The following MINDY4 variants were observed in gnomAD, a reference collection of about 807,000 sequenced individuals.
MINDY4 encodes MINDY lysine 48 deubiquitinase 4.
MINDY4 carries 68 observed loss-of-function variants against 87.0 expected under a neutral mutation model. The observed-to-expected ratio is 0.78, with a 90% CI of 0.64 to 0.96. MINDY4 has a LOEUF of 0.96. Ranked by LOEUF, MINDY4 falls within the 40% of genes least tolerant of loss-of-function variation. The probability of loss-of-function intolerance (pLI) is 0.00; values close to 1 mark genes in which losing one functional copy is unlikely to be tolerated. For missense variants in MINDY4, 919 were observed against 928.2 expected, an observed-to-expected ratio of 0.99 and a Z score of 0.13; for synonymous variants, 379 against 363.2, an observed-to-expected ratio of 1.04 and a Z score of -0.50.
chr7:30,791,726 T>C (rs2128168499), intron 5 of MINDY4, 152 bp downstream of exon 5: 2 of 865,852 alleles, frequency 2.3e-6, no homozygotes, highest in Non-Finnish European at 3.4e-6. Context: ...GAGTTTGTTA[T>C]GGTCAACCAG....
At chr7:30,803,426 T>C (rs1459923647) in intron 5 of MINDY4, 3 of 152,206 alleles carry the variant, frequency 2.0e-5, no homozygotes, top group African/African-American at 7.2e-5. Context: ...ATTAGTGACT[T>C]AGCACACAGA....
At chr7:30,866,705 G>T (rs1162867350) in intron 13 of MINDY4, among the ~76,000 whole-genome samples, 1 of 152,212 alleles carries the variant, frequency 6.6e-6, no homozygotes, top group Non-Finnish European at 1.5e-5. Flanking sequence ...CAAGAACAAA[G>T]CAGGCAAAGG....
intron 13 of MINDY4, among the ~76,000 whole-genome samples, chr7:30,868,132 C>G (rs1789996257): frequency 6.6e-6 from 1 of 152,176 alleles, no homozygotes; most frequent in Admixed American, 6.5e-5. Context: ...CAGATTCACA[C>G]AGGGAGGCTT....
At chr7:30,791,036 A>G in intron 4 of MINDY4, 129 bp from the exon 5 acceptor site, 1 of 948,588 alleles carries the variant, frequency 1.1e-6, no homozygotes, top group Non-Finnish European at 1.6e-6. Context: ...ATTTTAAGGG[A>G]AAGAGTCCGA....
chr7:30,837,842 G>C (rs1788906641), intron 7 of MINDY4, among the ~76,000 whole-genome samples: 1 of 152,238 alleles, frequency 6.6e-6, no homozygotes. Flanking sequence ...ACTGTGCCTA[G>C]CGGGAGCTGT....
intron 12 of MINDY4, chr7:30,858,901 A>T (rs1789661899): frequency 8.3e-6 from 4 of 479,688 alleles, no homozygotes; most frequent in Non-Finnish European, 1.6e-5. Flanking sequence ...TAATCATAGT[A>T]CTGTCCCCCA....
At chr7:30,875,282 G>T (rs1790224685) in intron 14 of MINDY4, among the ~76,000 whole-genome samples, 1 of 152,220 alleles carries the variant, frequency 6.6e-6, no homozygotes, top group Non-Finnish European at 1.5e-5. Context: ...AATAAAGGTG[G>T]ATGGGTGCCT....
intron 15 of MINDY4, among the ~76,000 whole-genome samples, chr7:30,877,822 C>CTTTTTTTTTTTT (rs60164229): frequency 4.2e-5 from 2 of 47,516 alleles, no homozygotes; most frequent in African/African-American, 1.3e-4. Flanking sequence ...CAGGGACATG[C>CTTTTTTTTTTTT]TTTTTTTTTT....
intron 1 of MINDY4, among the ~76,000 whole-genome samples, chr7:30,773,962 T>C (rs1213920661): frequency 6.6e-6 from 1 of 152,178 alleles, no homozygotes; most frequent in Non-Finnish European, 1.5e-5. Context: ...TTCATCATTC[T>C]CTTCTGACAG....
chr7:30,822,083 T>G (rs1562542522), intron 5 of MINDY4, among the ~76,000 whole-genome samples: 2 of 152,172 alleles, frequency 1.3e-5, no homozygotes, highest in Non-Finnish European at 1.5e-5. Flanking sequence ...TATCCTGACA[T>G]TTCACTTGTA....
intron 5 of MINDY4, among the ~76,000 whole-genome samples, chr7:30,809,602 G>T (rs1258573646): frequency 2.0e-5 from 3 of 151,598 alleles, no homozygotes; most frequent in African/African-American, 4.8e-5. Context: ...ACAAAACAAG[G>T]TCTTATTAAT....
chr7:30,797,659 C>T (rs892964795), intron 5 of MINDY4, among the ~76,000 whole-genome samples: 13 of 152,130 alleles, frequency 8.5e-5, no homozygotes, highest in African/African-American at 2.9e-4. Context: ...TGGATACTCC[C>T]GCATCTAGGA....
At chr7:30,815,308 A>G (rs1269439863) in intron 5 of MINDY4, among the ~76,000 whole-genome samples, 1 of 152,162 alleles carries the variant, frequency 6.6e-6, no homozygotes, top group Non-Finnish European at 1.5e-5. Context: ...CTGGGCTCTT[A>G]CACCATCCTT....
Position 30,862,944 on chromosome 7 carries a change from G to A in MINDY4, c.1745+3620G>A, listed in dbSNP as rs186534459. 3.3e-5 allele frequency among the ~76,000 whole-genome samples: 5 copies of A among 152,198 alleles called. No homozygotes were observed. In the East Asian group the frequency reaches 5.8e-4, roughly 18 times the overall value. On this transcript the variant is annotated intron_variant, in intron 13 of 17. Coordinates refer to ENST00000265299, the MANE Select transcript of MINDY4 (RefSeq NM_032222.3). ...GCTCACTGTGTGAAGCAGATGCAGC[G>A]GAATGACTTTGATTAGAGCGGCAGA... is the stretch of plus-strand genomic sequence containing the variant.
intron 7 of MINDY4, among the ~76,000 whole-genome samples, chr7:30,838,207 A>T (rs1413780143): frequency 1.3e-5 from 2 of 152,110 alleles, no homozygotes; most frequent in Non-Finnish European, 2.9e-5. Flanking sequence ...TGGGGAAGGG[A>T]TTGACCATTC....
intron 1 of MINDY4, among the ~76,000 whole-genome samples, chr7:30,772,184 G>A (rs1408568855): frequency 2.6e-5 from 4 of 152,102 alleles, no homozygotes; most frequent in Non-Finnish European, 4.4e-5. Context: ...GGAGCTCGCC[G>A]GGGGGTCTTG....
At chr7:30,861,354 A>G (rs1789761172) in intron 13 of MINDY4, among the ~76,000 whole-genome samples, 1 of 152,190 alleles carries the variant, frequency 6.6e-6, no homozygotes, top group South Asian at 2.1e-4. Context: ...CTGCACATGA[A>G]CGCATCGAGT....
At chr7:30,845,759 T>C (rs1213953293) in intron 9 of MINDY4, among the ~76,000 whole-genome samples, 1 of 152,146 alleles carries the variant, frequency 6.6e-6, no homozygotes, top group African/African-American at 2.4e-5. Context: ...GAGGATGGGA[T>C]CGCACCCTCC....
chr7:30,872,428 T>G, intron 14 of MINDY4, 122 bp downstream of exon 14: 1 of 881,972 alleles, frequency 1.1e-6, no homozygotes, highest in Non-Finnish European at 1.8e-6. Flanking sequence ...CTGCCAACAC[T>G]CTTCAAGCAG....
Sources: gnomAD v4.1 joint callset for allele counts (sites outside exome capture counted in the v4.1 genomes callset) on GRCh38, gnomAD v4.1.1 for gene constraint, MANE v1.5 for transcripts, NCBI Gene and HGNC (gene_info 2026-07-23, HGNC 2026-07-21) for gene names.